The following LRRIQ3 variants were observed in gnomAD, a reference collection of about 807,000 sequenced individuals.
LRRIQ3 encodes the protein leucine rich repeats and IQ motif containing 3.
In LRRIQ3, 75 loss-of-function variants were observed where a neutral mutation model predicts 59.3. That is an observed-to-expected ratio of 1.26 (90% confidence interval 1.05 to 1.53). LRRIQ3 has a LOEUF of 1.53. Ranked by LOEUF, LRRIQ3 falls within the 40% of genes most tolerant of loss-of-function variation. The pLI, the probability that LRRIQ3 is intolerant of heterozygous loss-of-function variation, is 0.00. For synonymous variants in LRRIQ3, 250 were observed against 231.3 expected (o/e 1.08, Z -0.73); for missense variants, 831 against 710.0 (o/e 1.17, Z -1.94).
At chr1:74,119,984 C>T (rs1423207113) in intron 4 of LRRIQ3, among the ~76,000 whole-genome samples, 1 of 152,046 alleles carries the variant, frequency 6.6e-6, no homozygotes, top group African/African-American at 2.4e-5. Context: ...TATGTTTAAA[C>T]ATAAACTTAG....
intron 7 of LRRIQ3, among the ~76,000 whole-genome samples, chr1:74,028,546 G>C (rs916021021): frequency 1.3e-5 from 2 of 151,998 alleles, no homozygotes; most frequent in Non-Finnish European, 2.9e-5. Context: ...GACTGGAAAT[G>C]GTTAGTGTTA....
chr1:74,100,186 G>A (rs1393605296), intron 5 of LRRIQ3, among the ~76,000 whole-genome samples: 4 of 152,180 alleles, frequency 2.6e-5, no homozygotes, highest in Admixed American at 2.0e-4. Flanking sequence ...ATCTCCTTAA[G>A]CTGATAAGCA....
At chr1:74,095,361 C>A (rs1360649358) in intron 5 of LRRIQ3, among the ~76,000 whole-genome samples, 1 of 152,134 alleles carries the variant, frequency 6.6e-6, no homozygotes, top group Non-Finnish European at 1.5e-5. Context: ...ACTCCCAATT[C>A]TAACTATTGC....
chr1:74,051,840 A>C (rs1261848550), intron 6 of LRRIQ3, among the ~76,000 whole-genome samples: 1 of 152,134 alleles, frequency 6.6e-6, no homozygotes, highest in Non-Finnish European at 1.5e-5. Flanking sequence ...CCTTTTATAC[A>C]GTTTGCCTTC....
chr1:74,128,577 T>C (rs1438143756), intron 4 of LRRIQ3, among the ~76,000 whole-genome samples: 1 of 152,128 alleles, frequency 6.6e-6, no homozygotes, highest in Non-Finnish European at 1.5e-5. Flanking sequence ...CATATGTCTC[T>C]CTCAACAGGA....
chr1:74,100,877 T>C (rs1426248144), intron 5 of LRRIQ3, among the ~76,000 whole-genome samples: 1 of 152,130 alleles, frequency 6.6e-6, no homozygotes, highest in African/African-American at 2.4e-5. Flanking sequence ...TGAAACTGGA[T>C]GCCTTCCTTA....
intron 7 of LRRIQ3, among the ~76,000 whole-genome samples, chr1:74,038,383 T>C (rs563909578): frequency 6.6e-6 from 1 of 152,302 alleles, no homozygotes; most frequent in Admixed American, 6.5e-5. Flanking sequence ...CCTTTCCTCC[T>C]GCTAGTTCTG....
intron 4 of LRRIQ3, among the ~76,000 whole-genome samples, chr1:74,137,807 G>A (rs1012996106): frequency 6.6e-6 from 1 of 151,952 alleles, no homozygotes; most frequent in Non-Finnish European, 1.5e-5. Context: ...CATGGATGAA[G>A]CTGGAAACTA....
chr1:74,104,129 G>A (rs545836424), intron 5 of LRRIQ3, among the ~76,000 whole-genome samples: 120 of 151,990 alleles, frequency 7.9e-4, no homozygotes, highest in South Asian at 2.3e-3. Flanking sequence ...AACATCATAC[G>A]TAATTAAGGG....
chr1:74,076,049 T>G (rs1646206343), intron 5 of LRRIQ3, among the ~76,000 whole-genome samples: 1 of 152,172 alleles, frequency 6.6e-6, no homozygotes, highest in African/African-American at 2.4e-5. Context: ...CTAGGTGTTT[T>G]GCTGCCTGGA....
chr1:74,106,940 G>A (rs1277606883), intron 5 of LRRIQ3, among the ~76,000 whole-genome samples: 1 of 151,926 alleles, frequency 6.6e-6, no homozygotes, highest in African/African-American at 2.4e-5. Context: ...AAGTGTCTAG[G>A]AAGTGTTCCA....
chr1:74,105,732 AT>A (rs1419307597), intron 5 of LRRIQ3, among the ~76,000 whole-genome samples: 1 of 152,026 alleles, frequency 6.6e-6, no homozygotes, highest in African/African-American at 2.4e-5. Flanking sequence ...AGAACATTTA[AT>A]TTTATTTGAT....
chr1:74,041,351 A>G lies in LRRIQ3; in HGVS notation c.1580T>C (p.Leu527Pro). 6.2e-7 allele frequency: 1 copy of G among 1,613,870 alleles called. No individual in the cohort carries two copies. The highest frequency in any genetic ancestry group is 8.5e-7 in the Non-Finnish European group (1 of 1,179,884). ...AATTTTAAGTAGTCCTCTGGTCAAA[A>G]GAGTGCGCTCATTATTTAAGTTTTG... Reference protein sequence around the residue: ...LVQNLNNERTLLTRGLLKIDR... With the variant: ...LVQNLNNERTPLTRGLLKIDR... Residue 527 changes from leucine to proline, a missense_variant, in exon 7 of 8, where the codon CTT (leucine) becomes CCT (proline). Leu to Pro is a moderately conservative substitution (Grantham distance 98). Coordinates refer to ENST00000354431, the MANE Select transcript of LRRIQ3 (RefSeq NM_001105659.2).
intron 4 of LRRIQ3, among the ~76,000 whole-genome samples, chr1:74,123,037 A>C (rs899247333): frequency 1.3e-5 from 2 of 152,140 alleles, no homozygotes; most frequent in African/African-American, 4.8e-5. Context: ...GAGAATAAAC[A>C]TTTAGCCCCC....
chr1:74,059,015 T>G (rs1390501541), intron 6 of LRRIQ3, among the ~76,000 whole-genome samples: 1 of 152,062 alleles, frequency 6.6e-6, no homozygotes, highest in Non-Finnish European at 1.5e-5. Context: ...GGGTGTGAAA[T>G]AGAATCTCAT....
At chr1:74,088,124 A>C (rs180798002) in intron 5 of LRRIQ3, among the ~76,000 whole-genome samples, 2 of 151,926 alleles carry the variant, frequency 1.3e-5, no homozygotes, top group African/African-American at 2.4e-5. Context: ...ACAAAAAAAA[A>C]CAATTGTCTC....
intron 3 of LRRIQ3, among the ~76,000 whole-genome samples, chr1:74,161,962 A>C (rs1648688381): frequency 6.6e-6 from 1 of 151,966 alleles, no homozygotes; most frequent in East Asian, 1.9e-4. Flanking sequence ...TCCCTCCATT[A>C]AAGAAGTGAC....
chr1:74,150,657 A>G (rs1647873097), intron 4 of LRRIQ3, among the ~76,000 whole-genome samples: 1 of 152,190 alleles, frequency 6.6e-6, no homozygotes, highest in African/African-American at 2.4e-5. Context: ...ACCTGCAAAA[A>G]GAAATTTGCA....
intron 6 of LRRIQ3, among the ~76,000 whole-genome samples, chr1:74,061,649 C>T (rs1187383364): frequency 6.6e-6 from 1 of 152,092 alleles, no homozygotes; most frequent in East Asian, 1.9e-4. Context: ...CATGAAAACC[C>T]TGAAGGTAAC....
Sources: allele counts gnomAD v4.1 joint callset (sites outside exome capture counted in the v4.1 genomes callset), GRCh38; gene constraint gnomAD v4.1.1; transcripts MANE v1.5; gene names NCBI Gene and HGNC (gene_info 2026-07-23, HGNC 2026-07-21).